SIPA1L2: variants seen among roughly 807,000 people sequenced by gnomAD.
The protein encoded by SIPA1L2 is signal-induced proliferation-associated 1-like protein 2.
SIPA1L2 carries 56 observed loss-of-function variants against 163.9 expected under a neutral mutation model. The ratio of observed to expected loss-of-function variants is 0.34; its 90% CI spans 0.28 to 0.43. SIPA1L2 has a LOEUF of 0.43. SIPA1L2 is among the 20% of genes least tolerant of loss of function. The pLI is 1.00. For synonymous variants in SIPA1L2, 877 were observed against 865.7 expected (o/e 1.01, Z -0.23); for missense variants, 1,974 against 2,193.5 (o/e 0.90, Z 2.00).
chr1:232,468,347 G>A (rs1232191811), intron 8 of SIPA1L2, among the ~76,000 whole-genome samples: 1 of 152,144 alleles, frequency 6.6e-6, no homozygotes, highest in East Asian at 1.9e-4. Flanking sequence ...CACATGAAAG[G>A]GTTTTAACAA....
intron 7 of SIPA1L2, among the ~76,000 whole-genome samples, chr1:232,477,740 A>G (rs142755424): frequency 9.3e-4 from 142 of 152,316 alleles, no homozygotes; most frequent in Non-Finnish European, 1.6e-3. Context: ...TCGAATGCCT[A>G]CAGATTTTGA....
At chr1:232,578,573 CT>C (rs1297412067) in intron 1 of SIPA1L2, among the ~76,000 whole-genome samples, 11 of 152,150 alleles carry the variant, frequency 7.2e-5, no homozygotes, top group Admixed American at 5.2e-4. Flanking sequence ...AAGTCCTCAA[CT>C]TGAGTTTACA....
intron 15 of SIPA1L2, among the ~76,000 whole-genome samples, chr1:232,438,670 G>T (rs1399840000): frequency 6.6e-6 from 1 of 152,226 alleles, no homozygotes; most frequent in Non-Finnish European, 1.5e-5. Flanking sequence ...AGGGCCGTAG[G>T]AACAGGGAGG....
intron 2 of SIPA1L2, among the ~76,000 whole-genome samples, chr1:232,557,473 A>T (rs1658781191): frequency 6.6e-6 from 1 of 152,200 alleles, no homozygotes; most frequent in South Asian, 2.1e-4. Flanking sequence ...ACAACACATC[A>T]GGCCCCACCA....
At chr1:232,492,905 A>G (rs541885224) in intron 4 of SIPA1L2, among the ~76,000 whole-genome samples, 1 of 152,292 alleles carries the variant, frequency 6.6e-6, no homozygotes, top group South Asian at 2.1e-4. Flanking sequence ...CTGAGAAGGA[A>G]TAATTGTTGC....
intron 10 of SIPA1L2, among the ~76,000 whole-genome samples, chr1:232,447,259 T>G (rs1413325128): frequency 6.6e-6 from 1 of 152,250 alleles, no homozygotes; most frequent in Non-Finnish European, 1.5e-5. Flanking sequence ...TTAATATGGC[T>G]ACTGGAAAAT....
chr1:232,455,407 T>A (rs4649263), intron 10 of SIPA1L2, among the ~76,000 whole-genome samples: 3 of 152,124 alleles, frequency 2.0e-5, no homozygotes, highest in Admixed American at 2.0e-4. Context: ...GTTGGCCGGG[T>A]GCCGTGGCTC....
intron 2 of SIPA1L2, among the ~76,000 whole-genome samples, chr1:232,571,326 T>C (rs1182073227): frequency 6.6e-6 from 1 of 152,318 alleles, no homozygotes; most frequent in East Asian, 1.9e-4. Context: ...ATAAAGGCAA[T>C]GTACAACATA....
intron 1 of SIPA1L2, among the ~76,000 whole-genome samples, chr1:232,593,257 G>T (rs986498411): frequency 6.6e-6 from 1 of 152,054 alleles, no homozygotes; most frequent in Non-Finnish European, 1.5e-5. Context: ...TTAAAATGAG[G>T]TATCTGGTCA....
intron 1 of SIPA1L2, among the ~76,000 whole-genome samples, chr1:232,626,606 T>C (rs1212578024): frequency 1.1e-4 from 17 of 152,166 alleles, no homozygotes; most frequent in Admixed American, 1.1e-3. Flanking sequence ...TACCACACTT[T>C]TAAAAGGAGT....
intron 1 of SIPA1L2, among the ~76,000 whole-genome samples, chr1:232,578,557 G>A (rs775040748): frequency 2.0e-5 from 3 of 152,094 alleles, no homozygotes; most frequent in Admixed American, 6.5e-5. Flanking sequence ...ATGCCGATAC[G>A]TTATGAAGTC....
At chr1:232,406,693 T>C (rs1306970397) in intron 19 of SIPA1L2, among the ~76,000 whole-genome samples, 1 of 151,948 alleles carries the variant, frequency 6.6e-6, no homozygotes, top group Admixed American at 6.6e-5. Context: ...CAACGTGTTA[T>C]GTCTGTCCAA....
Position 232,562,577 on chromosome 1 carries a change from T to C in SIPA1L2, c.-270+11597A>G, listed in dbSNP as rs552047804. On this transcript the variant is annotated intron_variant, in intron 2 of 22. Coordinates refer to ENST00000674635, the MANE Select transcript of SIPA1L2 (RefSeq NM_020808.5). Reference sequence around the variant, plus strand: ...ATTTTATAATGAGAATTTTTTTCCATTGCAACTGTTAATAACCTAATACTT... The same window carrying C: ...ATTTTATAATGAGAATTTTTTTCCACTGCAACTGTTAATAACCTAATACTT... Among the ~76,000 whole-genome samples the C allele has an allele frequency of 2.4e-4, 37 of 152,346 alleles. 1 individual carries two copies. The South Asian group carries it at 7.2e-3, about 30-fold the overall frequency.
At chr1:232,575,704 C>G (rs536621464) in intron 1 of SIPA1L2, among the ~76,000 whole-genome samples, 1 of 152,180 alleles carries the variant, frequency 6.6e-6, no homozygotes, top group Non-Finnish European at 1.5e-5. Context: ...AGCAGGATCT[C>G]GAAGATGAAC....
chr1:232,492,500 C>T (rs980074247), intron 4 of SIPA1L2, among the ~76,000 whole-genome samples: 1 of 152,160 alleles, frequency 6.6e-6, no homozygotes, highest in Non-Finnish European at 1.5e-5. Context: ...CATGTGTCAC[C>T]ATGCCCAGCT....
intron 10 of SIPA1L2, among the ~76,000 whole-genome samples, chr1:232,450,443 T>C (rs2102887586): frequency 6.6e-6 from 1 of 152,302 alleles, no homozygotes; most frequent in East Asian, 1.9e-4. Flanking sequence ...TAATAAAACA[T>C]GAAGAAAACC....
chr1:232,540,262 C>T (rs1163061482), intron 2 of SIPA1L2, among the ~76,000 whole-genome samples: 1 of 152,094 alleles, frequency 6.6e-6, no homozygotes, highest in East Asian at 1.9e-4. Context: ...CGAGGTCACG[C>T]CACTGCACTC....
rs1439862902 is a variant in SIPA1L2, at chr1:232,573,195, T to C, written c.-270+979A>G. On this transcript the variant is annotated intron_variant, in intron 2 of 22. Coordinates refer to ENST00000674635, the MANE Select transcript of SIPA1L2 (RefSeq NM_020808.5). ...TTGATCAAGGGACACAGCAACTAAATGCAGCGCCTGACCCTAGAGGGACCC... is the reference window on the plus strand; with the variant it reads ...TTGATCAAGGGACACAGCAACTAAACGCAGCGCCTGACCCTAGAGGGACCC... 2.0e-5 allele frequency among the ~76,000 whole-genome samples: 3 copies of C among 152,232 alleles called. No individual in the cohort carries two copies. In the South Asian group the frequency reaches 6.2e-4, roughly 32 times the overall value.
intron 22 of SIPA1L2, among the ~76,000 whole-genome samples, chr1:232,400,460 C>T (rs1660269672): frequency 6.6e-6 from 1 of 152,140 alleles, no homozygotes; most frequent in African/African-American, 2.4e-5. Context: ...CTGGCTCCCT[C>T]CCGAGGAGAC....
Sources: gnomAD v4.1 joint callset for allele counts (sites outside exome capture counted in the v4.1 genomes callset) on GRCh38, gnomAD v4.1.1 for gene constraint, MANE v1.5 for transcripts, NCBI Gene and HGNC (gene_info 2026-07-23, HGNC 2026-07-21) for gene names.